CRAT: variants seen among roughly 807,000 people sequenced by gnomAD.
CRAT encodes the protein carnitine O-acetyltransferase, also known as carnitine acetylase.
CRAT carries 66 observed loss-of-function variants against 73.7 expected under a neutral mutation model. That is an observed-to-expected ratio of 0.90 (90% CI 0.73 to 1.10). The LOEUF is 1.10. Ranked by LOEUF, CRAT falls within the 50% of genes least tolerant of loss-of-function variation. The pLI, the probability that CRAT is intolerant of heterozygous loss-of-function variation, is 0.00. For synonymous variants in CRAT, 321 were observed against 343.2 expected, an observed-to-expected ratio of 0.94 and a Z score of 0.71; for missense variants, 745 against 846.9, an observed-to-expected ratio of 0.88 and a Z score of 1.49.
At chr9:129,104,903 C>CT (rs36193924) in intron 2 of CRAT, among the ~76,000 whole-genome samples, 62,533 of 103,428 alleles carry the variant, frequency 0.6, 20,286 homozygotes, top group Non-Finnish European at 0.72. Flanking sequence ...TGTGCCCGGT[C>CT]TTTTTTTTTT....
Position 129,102,510 on chromosome 9 carries a change from A to G in CRAT, c.520T>C (p.Tyr174His). The G allele has an allele frequency of 6.2e-7, 1 of 1,614,114 alleles. No individual in the cohort carries two copies. The highest frequency in any genetic ancestry group is 8.5e-7 in the Non-Finnish European group (1 of 1,179,992). ...GGKPLCMNQY[Y>H]QILSSCRVPG... The stretch of plus-strand genomic sequence containing the variant: ...ACTCGGCAGGAGGACAAGATCTGAT[A>G]GTACTGGTTCATGCACAGTGGCTTC... Residue 174 changes from tyrosine (Y) to histidine (H), a missense_variant, in exon 5 of 14, where the codon TAT (tyrosine) becomes CAT (histidine). Transcript: ENST00000318080.
At position 129,107,956 on chromosome 9, in the gene CRAT, T is replaced by G; in HGVS notation, c.149A>C (p.Tyr50Ser). 1 of 1,608,318 alleles carries G rather than the reference T, an allele frequency of 6.2e-7. No homozygotes were observed. The highest frequency in any genetic ancestry group is 8.5e-7 in the Non-Finnish European group (1 of 1,179,504). The part of the protein sequence containing the change: ...VPPLQQSLDH[Y>S]LKALQPIVSE... Reference sequence around the variant, plus strand: ...CACGATGGGCTGCAGCGCCTTCAGGTAGTGGTCCAGGGACTGCTGGAGAGG... The same window carrying G: ...CACGATGGGCTGCAGCGCCTTCAGGGAGTGGTCCAGGGACTGCTGGAGAGG... The change falls in exon 2 of 14, where the codon TAC (tyrosine) becomes TCC (serine). Residue 50 changes from tyrosine to serine, a missense_variant. Transcript: ENST00000318080. The surrounding 1 kb of genome is among the most constrained non-coding windows in gnomAD (Gnocchi z 5.0).
At position 129,107,870 on chromosome 9, in the gene CRAT, C is replaced by T. The variant is rs757237993; in HGVS notation, c.235G>A (p.Val79Ile). 1.5e-5 allele frequency: 24 copies of T among 1,612,488 alleles called. No homozygotes were observed. The South Asian group carries it at 2.2e-4, about 15-fold the overall frequency. Reference protein sequence around the residue: ...LVDEFQASGGVGERLQKGLER... With the variant: ...LVDEFQASGGIGERLQKGLER... ...AGCCCCTTCTGCAGGCGCTCCCCTA[C>T]ACCTCCTGAGGCCTGAAACTCATCC... The change falls in exon 2 of 14, where the codon GTA (valine) becomes ATA (isoleucine). Residue 79 changes from valine (V) to isoleucine (I), a missense_variant. Transcript: ENST00000318080. This position sits in a 1 kb window ranked among gnomAD's most constrained non-coding sequence, Gnocchi z 5.0.
At chr9:129,101,431 C>A (rs1394241400) in intron 6 of CRAT, among the ~76,000 whole-genome samples, 1 of 152,244 alleles carries the variant, frequency 6.6e-6, no homozygotes, top group Non-Finnish European at 1.5e-5. Context: ...GCTCTCCTAT[C>A]TGTAAACACT....
intron 1 of CRAT, 120 bp from the exon 2 acceptor site, chr9:129,108,197 G>A: frequency 7.5e-7 from 1 of 1,328,480 alleles, no homozygotes; most frequent in East Asian, 2.6e-5. Context: ...CCTCTTGGGT[G>A]GGGCTGGCCC....
rs1351325474 is a variant in CRAT at position 129,100,570 on chromosome 9, G to A, written c.925C>T (p.Leu309=). Residue 309 remains leucine, a synonymous_variant, in exon 7 of 14, where the codon CTG becomes TTG. Coordinates refer to ENST00000318080, the MANE Select transcript of CRAT (RefSeq NM_000755.5). The stretch of plus-strand genomic sequence containing the variant: ...TTGAGCCTGCTGCCGCCCCCATGCA[G>A]CATCTGGCCTGCCACGTGGCTGCGG... ...VYRSHVAGQM[L]HGGGSRLNSG... is the part of the protein sequence containing the mutation. 1.2e-6 allele frequency: 2 copies of A among 1,613,942 alleles called. No individual in the cohort carries two copies. Among genetic ancestry groups the A allele is most frequent in the East Asian group, 2.2e-5 (1 of 44,892 alleles).
intron 6 of CRAT, 50 bp from the exon 7 acceptor site, chr9:129,100,739 G>A (rs750165061): frequency 7.6e-6 from 12 of 1,568,658 alleles, no homozygotes; most frequent in Middle Eastern, 1.7e-4. Flanking sequence ...TCATGGTGTG[G>A]GAGAGATGGA....
In CRAT at chr9:129,095,299, G is replaced by A. The variant is rs1039403835; in HGVS notation, c.*98C>T. On this transcript the variant is annotated 3_prime_UTR_variant, in exon 14 of 14. Coordinates refer to ENST00000318080, the MANE Select transcript of CRAT (RefSeq NM_000755.5). ...TAGATTTGGGGGGACCAGGGAAGAG[G>A]GAACCAAGGAAGAGGGAACCAAGGA... 3 of 1,309,032 alleles carry A rather than the reference G, an allele frequency of 2.3e-6. No individual in the cohort carries two copies. In the African/African-American group the frequency reaches 4.3e-5, roughly 19 times the overall value. The allele number at this position is 1,309,032 out of a possible 1,614,324, so 81.1% of individuals were successfully genotyped here.
chr9:129,109,703 G>C (rs1848265810), intron 1 of CRAT, among the ~76,000 whole-genome samples: 1 of 152,142 alleles, frequency 6.6e-6, no homozygotes, highest in African/African-American at 2.4e-5. Flanking sequence ...AGAGCCTCTA[G>C]GCCTGAGCCT....
Position 129,095,144 on chromosome 9 carries a change from C to T in CRAT, c.*253G>A, listed in dbSNP as rs1051832735. 9 of 552,304 alleles carry T rather than the reference C, an allele frequency of 1.6e-5. No individual in the cohort carries two copies. The highest frequency in any genetic ancestry group is 9.5e-5 in the Admixed American group (3 of 31,678). The allele number at this position is 552,304 out of a possible 1,614,324, so 34.2% of individuals were successfully genotyped here. ...GCACCGGTGGAGGACGTGCCAGGGG[C>T]CCGGGCCTAACGTCCTGCTCAGCCT... On this transcript the variant is annotated 3_prime_UTR_variant, in exon 14 of 14. Coordinates refer to ENST00000318080, the MANE Select transcript of CRAT (RefSeq NM_000755.5).
At position 129,108,165 on chromosome 9, in the gene CRAT, C is replaced by T. The variant is rs185840319; in HGVS notation, c.28-88G>A. ...GCTGTAGTCCTGGGCACTTAAGTGC[C>T]CATCCCTGGGGGCAGAGACGGCCTC... On this transcript the variant is annotated intron_variant, in intron 1 of 13. Coordinates refer to ENST00000318080, the MANE Select transcript of CRAT (RefSeq NM_000755.5). The T allele has an allele frequency of 5.9e-5, 86 of 1,452,046 alleles. No individual in the cohort carries two copies. In the Admixed American group the frequency reaches 1.3e-3, roughly 21 times the overall value. 89.9% of individuals were successfully genotyped at this position (1,452,046 alleles called of 1,614,324 possible).
intron 4 of CRAT, 57 bp downstream of exon 4, chr9:129,102,956 G>GT: frequency 6.7e-7 from 1 of 1,491,100 alleles, no homozygotes; most frequent in East Asian, 2.3e-5. Context: ...AGAGGTGGCT[G>GT]TGGTAATTAA....
At position 129,106,666 on chromosome 9, in the gene CRAT, G is replaced by A. The variant is rs759513250; in HGVS notation, c.291+1148C>T. ...GGAGTCCAAAGTCCTGACCTGACGCGTCTCAGCAAATGTTGACAACTCCCA... is the reference window on the plus strand; with the variant it reads ...GGAGTCCAAAGTCCTGACCTGACGCATCTCAGCAAATGTTGACAACTCCCA... On this transcript the variant is annotated intron_variant, in intron 2 of 13. Transcript: ENST00000318080. The surrounding 1 kb of genome is among the most constrained non-coding windows in gnomAD (Gnocchi z 4.0). Among the ~76,000 whole-genome samples, 4 of 152,132 alleles carry A rather than the reference G, an allele frequency of 2.6e-5. No individual in the cohort carries two copies. The highest frequency in any genetic ancestry group is 3.2e-3 in the Middle Eastern group (1 of 316).
rs1287949746 is a variant in CRAT, at chr9:129,098,167, A to G, written c.1329-19T>C. 6.2e-7 allele frequency: 1 copy of G among 1,613,344 alleles called. No homozygotes were observed. Among genetic ancestry groups the G allele is most frequent in the African/African-American group, 1.3e-5 (1 of 74,946 alleles). ...GTAGATCCTGGTGGGAAATGGGGCT[A>G]AGCACGCCCCTTGGAGGCGGGCACC... On this transcript the variant is annotated intron_variant, in intron 10 of 13. Coordinates refer to ENST00000318080, the MANE Select transcript of CRAT (RefSeq NM_000755.5).
chr9:129,104,152 C>G, intron 3 of CRAT, 36 bp downstream of exon 3: 3 of 1,509,498 alleles, frequency 2.0e-6, no homozygotes, highest in Non-Finnish European at 9.1e-7. Flanking sequence ...TCGAGGGGCC[C>G]GGCTGCCTCC....
Position 129,110,426 on chromosome 9 carries a change from C to T in CRAT, c.27+57G>A. 7 of 1,506,012 alleles carry T rather than the reference C, an allele frequency of 4.6e-6. No individual in the cohort carries two copies. The highest frequency in any genetic ancestry group is 2.7e-5 in the East Asian group (1 of 36,662). 93.3% of individuals were successfully genotyped at this position (1,506,012 alleles called of 1,614,324 possible). On this transcript the variant is annotated intron_variant, in intron 1 of 13. Transcript: ENST00000318080. The surrounding 1 kb of genome is among the most constrained non-coding windows in gnomAD (Gnocchi z 5.3). ...ACGCGGTCTCCGTTCCCGGACGCAA[C>T]CGCACGGCCCGCCCAGGCCGTCCAG...
intron 11 of CRAT, 125 bp downstream of exon 11, chr9:129,097,888 G>C: frequency 2.2e-6 from 3 of 1,386,428 alleles, no homozygotes; most frequent in Non-Finnish European, 2.9e-6. Context: ...TCCAGCTTCT[G>C]TTAGATTCCC....
chr9:129,102,559 G>C lies in CRAT; in HGVS notation c.471C>G (p.Thr157=), dbSNP rs764405623. 1 of 1,614,062 alleles carries C rather than the reference G, an allele frequency of 6.2e-7. No individual in the cohort carries two copies. The highest frequency in any genetic ancestry group is 1.1e-5 in the South Asian group (1 of 91,082). Residue 157 remains threonine, a synonymous_variant, in exon 5 of 14, where the codon ACC becomes ACG. Transcript: ENST00000318080. ...LDFKVMIDNE[T]LPVEYLGGKP... is the part of the protein sequence containing the mutation. Reference sequence around the variant, plus strand: ...TCCCCCCCAGGTACTCCACGGGCAGGGTCTCGCTATGGGGTAGAGGGGCAG... The same window carrying C: ...TCCCCCCCAGGTACTCCACGGGCAGCGTCTCGCTATGGGGTAGAGGGGCAG...
At position 129,098,068 on chromosome 9, in the gene CRAT, G is replaced by A. The variant is rs769466139; in HGVS notation, c.1409C>T (p.Ser470Leu). ...AAAGGTGAGTGAGTCCATGGAAGCC[G>A]AGCGGATGGTGTCGGTGCGGCCCAG... ...FHLGRTDTIR[S>L]ASMDSLTFVK... The change falls in exon 11 of 14, where the codon TCG becomes TTG. Residue 470 changes from serine to leucine, a missense_variant. Transcript: ENST00000318080. 14 of 1,614,078 alleles carry A rather than the reference G, an allele frequency of 8.7e-6. No individual in the cohort carries two copies. The highest frequency in any genetic ancestry group is 2.2e-5 in the East Asian group (1 of 44,878).
Sources: gnomAD v4.1 joint callset for allele counts (sites outside exome capture counted in the v4.1 genomes callset) on GRCh38, gnomAD v4.1.1 for gene constraint, Gnocchi (gnomAD v3.1) non-coding constraint, MANE v1.5 for transcripts, NCBI Gene and HGNC (gene_info 2026-07-23, HGNC 2026-07-21) for gene names.